Variants in TMEM38B observed in about 807,000 individuals in gnomAD.
The protein encoded by TMEM38B is trimeric intracellular cation channel type B.
In TMEM38B, 24 loss-of-function variants were observed where a neutral mutation model predicts 28.7. That is an observed-to-expected ratio of 0.84 (90% CI 0.61 to 1.18). TMEM38B has a LOEUF of 1.18. Ranked by LOEUF, TMEM38B falls within the 50% of genes most tolerant of loss-of-function variation. The pLI is 0.00. For missense variants in TMEM38B, 380 were observed against 350.9 expected (o/e 1.08, Z -0.66); for synonymous variants, 131 against 127.7 (o/e 1.03, Z -0.17).
intron 1 of TMEM38B, among the ~76,000 whole-genome samples, chr9:105,699,623 G>A (rs1197902589): frequency 1.3e-5 from 2 of 152,066 alleles, no homozygotes; most frequent in South Asian, 2.1e-4. Context: ...TCAGGTTTTC[G>A]GCTTTAAAAT....
chr9:105,720,544 G>A (rs959870504), intron 2 of TMEM38B, among the ~76,000 whole-genome samples: 37 of 151,950 alleles, frequency 2.4e-4, no homozygotes, highest in African/African-American at 8.5e-4. Flanking sequence ...AAGAAGAAAG[G>A]GTGCTTTAGG....
At chr9:105,711,302 G>A (rs57269713) in intron 2 of TMEM38B, among the ~76,000 whole-genome samples, 46,254 of 151,762 alleles carry the variant, frequency 0.3, 8,726 homozygotes, top group South Asian at 0.49. Flanking sequence ...TTAGCTGAGC[G>A]TGGTGGCCTG....
intron 2 of TMEM38B, among the ~76,000 whole-genome samples, chr9:105,717,930 A>T (rs10759131): frequency 3.3e-5 from 5 of 151,936 alleles, no homozygotes; most frequent in African/African-American, 1.2e-4. Flanking sequence ...AAGAACCCTG[A>T]GACGTAGGTA....
chr9:105,719,957 TA>T (rs1480128574), intron 2 of TMEM38B, among the ~76,000 whole-genome samples: 3 of 152,078 alleles, frequency 2.0e-5, no homozygotes, highest in Admixed American at 6.5e-5. Context: ...CCCCATTACC[TA>T]ACCAACTTCT....
intron 4 of TMEM38B, among the ~76,000 whole-genome samples, chr9:105,728,441 C>T (rs7031063): frequency 0.21 from 31,671 of 152,100 alleles, 5,104 homozygotes; most frequent in East Asian, 0.46. Context: ...TTTATGGCTG[C>T]ATAATATTCC....
At chr9:105,740,491 T>C (rs563122369) in intron 4 of TMEM38B, among the ~76,000 whole-genome samples, 51 of 152,088 alleles carry the variant, frequency 3.4e-4, no homozygotes, top group African/African-American at 1.2e-3. Context: ...GGTCTTGAAC[T>C]CGTGAGGTCA....
At chr9:105,710,360 C>A (rs2133560566) in intron 2 of TMEM38B, 2 of 751,810 alleles carry the variant, frequency 2.7e-6, no homozygotes, top group Admixed American at 2.1e-5. Context: ...ATTATATGAT[C>A]TTCTATAGTT....
In TMEM38B at chr9:105,775,080, T is replaced by C. The variant is rs1826684536; in HGVS notation, c.*1000T>C. On this transcript the variant is annotated 3_prime_UTR_variant, in exon 6 of 6. Transcript: ENST00000374692. ...TTTTAGTTTTCTAGTTGAATATCTC[T>C]GACAAGCTTTCGTATGGTTTTGTTA... 6.6e-6 allele frequency: 1 copy of C among 152,132 alleles called. No homozygotes were observed. Among genetic ancestry groups the C allele is most frequent in the Admixed American group, 6.6e-5 (1 of 15,250 alleles). The allele number at this position is 152,132 out of a possible 1,614,324, so 9.4% of individuals were successfully genotyped here.
At chr9:105,731,165 G>A (rs974583218) in intron 4 of TMEM38B, among the ~76,000 whole-genome samples, 4 of 151,804 alleles carry the variant, frequency 2.6e-5, no homozygotes, top group African/African-American at 4.8e-5. Context: ...TTAGGGTGTT[G>A]ATTTTAGGTC....
rs550927836 is a variant in TMEM38B, at chr9:105,764,837, C to G, written c.661-9028C>G. On this transcript the variant is annotated intron_variant, in intron 5 of 5. Transcript: ENST00000374692. ...CACTACCTGACTTCAAACTATACTA[C>G]AAGGCTACAGTAACCAAAACAGCAT... Among the ~76,000 whole-genome samples, 8 of 151,830 alleles carry G rather than the reference C, an allele frequency of 5.3e-5. No homozygotes were observed. The East Asian group carries it at 1.5e-3, about 29-fold the overall frequency.
intron 5 of TMEM38B, chr9:105,759,439 T>A (rs1837956764): frequency 1.3e-6 from 2 of 1,560,630 alleles, no homozygotes; most frequent in Middle Eastern, 1.7e-4. Flanking sequence ...TCAAGAAAGA[T>A]GTGCTAAGAA....
At chr9:105,702,076 C>G (rs1835479780) in intron 1 of TMEM38B, among the ~76,000 whole-genome samples, 1 of 151,842 alleles carries the variant, frequency 6.6e-6, no homozygotes, top group Admixed American at 6.6e-5. Context: ...ATTTAAAAAC[C>G]AAAAAAATCC....
Position 105,695,633 on chromosome 9 carries a change from T to C in TMEM38B, c.112+861T>C, listed in dbSNP as rs139211310. On this transcript the variant is annotated intron_variant, in intron 1 of 5. Coordinates refer to ENST00000374692, the MANE Select transcript of TMEM38B (RefSeq NM_018112.3). ...TAGTTGTATGGACCTCTTCTTTCTTTGAGGTCAGACATTTCTTTGCCTACT... is the reference window on the plus strand; with the variant it reads ...TAGTTGTATGGACCTCTTCTTTCTTCGAGGTCAGACATTTCTTTGCCTACT... Among the ~76,000 whole-genome samples, 517 of 152,354 alleles carry C rather than the reference T, an allele frequency of 3.4e-3. 5 individuals carry two copies. The highest frequency in any genetic ancestry group is 0.012 in the African/African-American group (482 of 41,584).
At chr9:105,747,481 G>C (rs1190076313) in intron 4 of TMEM38B, among the ~76,000 whole-genome samples, 1 of 151,704 alleles carries the variant, frequency 6.6e-6, no homozygotes, top group African/African-American at 2.4e-5. Context: ...TTCTTTATTA[G>C]TCTTGCTAGC....
At chr9:105,773,813 A>C (rs766041510) in intron 5 of TMEM38B, 52 bp from the exon 6 acceptor site, 4 of 1,550,438 alleles carry the variant, frequency 2.6e-6, no homozygotes, top group Non-Finnish European at 3.5e-6. Context: ...CTCTCTCTTG[A>C]GAAACAGAAA....
At chr9:105,767,029 T>C (rs1826398001) in intron 5 of TMEM38B, among the ~76,000 whole-genome samples, 1 of 152,080 alleles carries the variant, frequency 6.6e-6, no homozygotes, top group Non-Finnish European at 1.5e-5. Context: ...CTCAGAATGA[T>C]GGTTTCCAGC....
At chr9:105,709,464 G>A (rs780782994) in intron 2 of TMEM38B, among the ~76,000 whole-genome samples, 37 of 151,994 alleles carry the variant, frequency 2.4e-4, no homozygotes, top group South Asian at 2.1e-4. Flanking sequence ...ATATTGTAAC[G>A]AATAATACAT....
In TMEM38B at chr9:105,748,131, C is replaced by T; in HGVS notation, c.601C>T (p.Leu201=). 1.9e-6 allele frequency: 3 copies of T among 1,613,670 alleles called. No homozygotes were observed. Among genetic ancestry groups the T allele is most frequent in the Non-Finnish European group, 2.5e-6 (3 of 1,179,712 alleles). The change falls in exon 5 of 6, where the codon CTG becomes TTG. Residue 201 remains leucine (L), a synonymous_variant. Transcript: ENST00000374692. Reference sequence around the variant, plus strand: ...CTTCACATTCCAGCACACCCAGCATCTGGCAATATCAAAGCATAATCTTAT... The same window carrying T: ...CTTCACATTCCAGCACACCCAGCATTTGGCAATATCAAAGCATAATCTTAT... ...VIFTFQHTQH[L]AISKHNLMFL...
In TMEM38B at chr9:105,721,557, C is replaced by A. The variant is rs547699490; in HGVS notation, c.290C>A (p.Pro97Gln). ...SSIWYITFFC[P>Q]HDLVSQGYSY... ...TTCAGGTATATTACATTTTTTTGCCCGCATGACCTAGTTTCCCAGGGCTAT... is the reference window on the plus strand; with the variant it reads ...TTCAGGTATATTACATTTTTTTGCCAGCATGACCTAGTTTCCCAGGGCTAT... Residue 97 changes from proline (P) to glutamine (Q), a missense_variant, in exon 3 of 6, where the codon CCG (proline) becomes CAG (glutamine). Transcript: ENST00000374692. 6.3e-7 allele frequency: 1 copy of A among 1,593,790 alleles called. No individual in the cohort carries two copies. The highest frequency in any genetic ancestry group is 8.5e-7 in the Non-Finnish European group (1 of 1,171,804).
Sources: gnomAD v4.1 joint callset for allele counts (sites outside exome capture counted in the v4.1 genomes callset) on GRCh38, gnomAD v4.1.1 for gene constraint, MANE v1.5 for transcripts, NCBI Gene and HGNC (gene_info 2026-07-23, HGNC 2026-07-21) for gene names.